The following NT5C2 variants were observed in gnomAD, a reference collection of about 807,000 sequenced individuals.
NT5C2 encodes cytosolic purine 5'-nucleotidase.
Under a neutral mutation model 76.1 loss-of-function variants are expected in NT5C2, and 58 were observed. The observed-to-expected ratio is 0.76, with a 90% CI of 0.62 to 0.95. The LOEUF is 0.95. NT5C2 is among the 40% of genes least tolerant of loss of function. NT5C2 has a pLI of 0.00. For missense variants in NT5C2, 478 were observed against 690.3 expected, an observed-to-expected ratio of 0.69 and a Z score of 3.45; for synonymous variants, 229 against 237.4, an observed-to-expected ratio of 0.96 and a Z score of 0.32.
At chr10:103,133,232 G>A (rs896214911) in intron 4 of NT5C2, among the ~76,000 whole-genome samples, 4 of 152,062 alleles carry the variant, frequency 2.6e-5, no homozygotes. Flanking sequence ...CACCATGATT[G>A]TGGAGCCACT....
In NT5C2 at chr10:103,093,432, T is replaced by C. The variant is rs368285700; in HGVS notation, c.989-123A>G. The C allele has an allele frequency of 9.3e-6, 8 of 859,278 alleles. No individual in the cohort carries two copies. In the South Asian group the frequency reaches 1.4e-4, roughly 15 times the overall value. The allele number at this position is 859,278 out of a possible 1,614,324, so 53.2% of individuals were successfully genotyped here. ...TATATGAGGAACAGACTAGGAAGAA[T>C]AGACAAAGACTCACCATTCTCTTTT... On this transcript the variant is annotated intron_variant, in intron 14 of 18. Transcript: ENST00000404739.
chr10:103,156,791 C>A (rs1474570544), intron 3 of NT5C2, among the ~76,000 whole-genome samples: 7 of 151,608 alleles, frequency 4.6e-5, no homozygotes. Flanking sequence ...GGTACAGTGG[C>A]TCACGCCTGT....
rs1412232671 is a variant in NT5C2, at chr10:103,105,767, A to G, written c.328T>C (p.Leu110=). The G allele has an allele frequency of 3.7e-6, 6 of 1,613,396 alleles. No homozygotes were observed. The highest frequency in any genetic ancestry group is 1.7e-4 in the Middle Eastern group (1 of 6,056). Reference sequence around the variant, plus strand: ...AGGTTTCCATAGGCATCGACTTTCAAAAGATTTCCATACAGTGTGTCAAAG... The same window carrying G: ...AGGTTTCCATAGGCATCGACTTTCAGAAGATTTCCATACAGTGTGTCAAAG... ...LVFDTLYGNL[L]KVDAYGNLLV... Residue 110 remains leucine (L), a synonymous_variant, in exon 6 of 19, where the codon TTG becomes CTG. Transcript: ENST00000404739.
At chr10:103,145,291 G>A (rs895228729) in intron 3 of NT5C2, among the ~76,000 whole-genome samples, 2 of 152,160 alleles carry the variant, frequency 1.3e-5, no homozygotes, top group Non-Finnish European at 2.9e-5. Flanking sequence ...GTCTTCAAGA[G>A]AAACTAATCT....
At chr10:103,136,747 C>A (rs991126255) in intron 4 of NT5C2, among the ~76,000 whole-genome samples, 2 of 151,852 alleles carry the variant, frequency 1.3e-5, no homozygotes, top group Admixed American at 6.6e-5. Context: ...ACCTCAGCCT[C>A]CTGACCAGCT....
At chr10:103,171,310 A>C (rs547344840) in intron 3 of NT5C2, among the ~76,000 whole-genome samples, 1 of 152,356 alleles carries the variant, frequency 6.6e-6, no homozygotes, top group Non-Finnish European at 1.5e-5. Flanking sequence ...AAACAACAAA[A>C]TATTACCTAA....
At chr10:103,191,382 C>CAA (rs768556332) in intron 1 of NT5C2, among the ~76,000 whole-genome samples, 13 of 66,808 alleles carry the variant, frequency 1.9e-4, no homozygotes, top group South Asian at 1.5e-3. Context: ...AGCTCCGTCT[C>CAA]AAAAAAAAAA....
chr10:103,145,137 G>C (rs1322045771), intron 3 of NT5C2, among the ~76,000 whole-genome samples: 1 of 152,134 alleles, frequency 6.6e-6, no homozygotes, highest in East Asian at 1.9e-4. Flanking sequence ...CTGTATTATA[G>C]AGAACTGCAA....
Position 103,089,096 on chromosome 10 carries a change from A to C in NT5C2, c.*576T>G, listed in dbSNP as rs1564889290. 4.4e-6 allele frequency: 1 copy of C among 226,468 alleles called. No homozygotes were observed. Among genetic ancestry groups the C allele is most frequent in the Non-Finnish European group, 8.8e-6 (1 of 113,908 alleles). The allele number at this position is 226,468 out of a possible 1,614,324, so 14.0% of individuals were successfully genotyped here. A position where few individuals can be genotyped will look rare whatever the true frequency, so the allele number is the denominator to read the frequency against. ...TGCCCTAAAGCAACGCAAGTAGAGCATACTTCTGTGCAAAGCCAGTGATAG... is the reference window on the plus strand; with the variant it reads ...TGCCCTAAAGCAACGCAAGTAGAGCCTACTTCTGTGCAAAGCCAGTGATAG... On this transcript the variant is annotated 3_prime_UTR_variant, in exon 19 of 19. Coordinates refer to ENST00000404739, the MANE Select transcript of NT5C2 (RefSeq NM_001351169.2).
At chr10:103,159,250 T>TGC (rs1491384654) in intron 3 of NT5C2, among the ~76,000 whole-genome samples, 10 of 65,780 alleles carry the variant, frequency 1.5e-4, no homozygotes, top group Non-Finnish European at 2.1e-4. Flanking sequence ...CTCCAAAACA[T>TGC]GCACACACAC....
chr10:103,168,563 C>A (rs2086977914), intron 3 of NT5C2, among the ~76,000 whole-genome samples: 1 of 152,184 alleles, frequency 6.6e-6, no homozygotes, highest in African/African-American at 2.4e-5. Flanking sequence ...ACTATGACAT[C>A]TGAGCAGCTC....
chr10:103,091,744 C>T (rs2066954764), intron 15 of NT5C2, 129 bp from the exon 16 acceptor site: 1 of 703,146 alleles, frequency 1.4e-6, no homozygotes, highest in Non-Finnish European at 2.5e-6. Context: ...GCTGAGTGTA[C>T]AGTTACCTCC....
At chr10:103,108,082 G>C (rs2071855317) in intron 4 of NT5C2, among the ~76,000 whole-genome samples, 1 of 152,136 alleles carries the variant, frequency 6.6e-6, no homozygotes, top group South Asian at 2.1e-4. Context: ...TTGAACCCAG[G>C]AGGTGGAGGC....
At chr10:103,192,869 G>T (rs907081277) in intron 1 of NT5C2, among the ~76,000 whole-genome samples, 2 of 152,210 alleles carry the variant, frequency 1.3e-5, no homozygotes, top group Non-Finnish European at 1.5e-5. Context: ...TGAGGAAAGG[G>T]GGGAAGAGGG....
chr10:103,156,535 A>C (rs1237691249), intron 3 of NT5C2, among the ~76,000 whole-genome samples: 1 of 151,770 alleles, frequency 6.6e-6, no homozygotes, highest in East Asian at 1.9e-4. Flanking sequence ...CGGGCGGATC[A>C]CCTGAGGTCA....
chr10:103,100,051 A>G (rs1483440217), intron 8 of NT5C2, 32 bp from the exon 9 acceptor site: 2 of 1,441,248 alleles, frequency 1.4e-6, no homozygotes, highest in Non-Finnish European at 9.7e-7. Flanking sequence ...ATGACAGGGG[A>G]TCCAAAACAG....
At position 103,113,374 on chromosome 10, in the gene NT5C2, A is replaced by G. The variant is rs143218511; in HGVS notation, c.176-6668T>C. Among the ~76,000 whole-genome samples the G allele has an allele frequency of 3.4e-3, 516 of 152,340 alleles. 2 individuals are homozygous for G. The highest frequency in any genetic ancestry group is 5.2e-3 in the South Asian group (25 of 4,830). ...TCTGAGAATCTGAACACTTACAAAT[A>G]TCTTGTATTTTCAGTACTGTTTTCA... On this transcript the variant is annotated intron_variant, in intron 4 of 18. Transcript: ENST00000404739.
chr10:103,121,512 T>C (rs1232892694), intron 4 of NT5C2, among the ~76,000 whole-genome samples: 1 of 152,214 alleles, frequency 6.6e-6, no homozygotes, highest in Non-Finnish European at 1.5e-5. Context: ...TTCACTTAAA[T>C]GTCAAGTGAG....
Position 103,136,597 on chromosome 10 carries a change from T to A in NT5C2, c.175+2809A>T, listed in dbSNP as rs1293626571. ...CAAAAAGAAGAAATCATAAGGTGCA[T>A]TAAAGTTTAGAGACAGATTCAGTTA... On this transcript the variant is annotated intron_variant, in intron 4 of 18. Transcript: ENST00000404739. Among the ~76,000 whole-genome samples, 5 of 151,862 alleles carry A rather than the reference T, an allele frequency of 3.3e-5. No individual in the cohort carries two copies. The East Asian group carries it at 7.7e-4, about 23-fold the overall frequency.
Sources: gnomAD v4.1 joint callset for allele counts (sites outside exome capture counted in the v4.1 genomes callset) on GRCh38, gnomAD v4.1.1 for gene constraint, MANE v1.5 for transcripts, NCBI Gene and HGNC (gene_info 2026-07-23, HGNC 2026-07-21) for gene names.